Variants in STK32B observed in about 807,000 individuals in gnomAD.
The protein encoded by STK32B is serine/threonine-protein kinase 32B.
Under a neutral mutation model 52.6 loss-of-function variants are expected in STK32B, and 43 were observed. The observed-to-expected ratio is 0.82, with a 90% confidence interval of 0.64 to 1.05. The LOEUF (loss-of-function observed/expected upper bound fraction) is 1.05, where lower values mean the gene tolerates loss of function less well. Ranked by LOEUF, STK32B falls within the 50% of genes least tolerant of loss-of-function variation. The pLI, the probability that STK32B is intolerant of heterozygous loss-of-function variation, is 0.00. For synonymous variants in STK32B, 238 were observed against 204.3 expected, an observed-to-expected ratio of 1.17 and a Z score of -1.41; for missense variants, 621 against 534.6, an observed-to-expected ratio of 1.16 and a Z score of -1.59.
At chr4:5,387,023 C>A (rs964405786) in intron 4 of STK32B, among the ~76,000 whole-genome samples, 20 of 152,310 alleles carry the variant, frequency 1.3e-4, no homozygotes, top group Non-Finnish European at 2.6e-4. Flanking sequence ...AAATGAGAGA[C>A]CACGTGATCG....
At chr4:5,316,111 AAT>A (rs141929839) in intron 3 of STK32B, among the ~76,000 whole-genome samples, 10,450 of 122,442 alleles carry the variant, frequency 0.085, 1,621 homozygotes, top group African/African-American at 0.3. Context: ...TTTCTGTATA[AAT>A]ATATATATAT....
chr4:5,060,225 C>T (rs1163711831), intron 1 of STK32B, among the ~76,000 whole-genome samples: 1 of 152,160 alleles, frequency 6.6e-6, no homozygotes. Flanking sequence ...CTCAGCCTCC[C>T]TAAGTACTGG....
chr4:5,121,929 TG>T (rs2108811637), intron 1 of STK32B, among the ~76,000 whole-genome samples: 1 of 152,336 alleles, frequency 6.6e-6, no homozygotes, highest in African/African-American at 2.4e-5. Context: ...AGCCCAGGCC[TG>T]TCCATGCAGA....
chr4:5,179,590 G>A (rs1018634212), intron 3 of STK32B, among the ~76,000 whole-genome samples: 2 of 152,150 alleles, frequency 1.3e-5, no homozygotes, highest in Non-Finnish European at 2.9e-5. Flanking sequence ...ATAAATAGAT[G>A]ATAGATAAAT....
At chr4:5,241,582 AATT>A (rs911903011) in intron 3 of STK32B, among the ~76,000 whole-genome samples, 14 of 151,372 alleles carry the variant, frequency 9.2e-5, no homozygotes, top group African/African-American at 2.4e-4. Flanking sequence ...TTATTTTTTT[AATT>A]ATTATTATAC....
chr4:5,363,965 G>A (rs1044155053), intron 4 of STK32B, among the ~76,000 whole-genome samples: 1 of 151,856 alleles, frequency 6.6e-6, no homozygotes, highest in African/African-American at 2.4e-5. Flanking sequence ...AGTAGGTTAA[G>A]GTTCTGTCAA....
intron 11 of STK32B, 148 bp from the exon 12 acceptor site, chr4:5,498,797 C>T: frequency 1.6e-6 from 2 of 1,219,676 alleles, no homozygotes; most frequent in Non-Finnish European, 2.2e-6. Context: ...GTGCACAGCA[C>T]CGTGGATGCC....
chr4:5,108,035 C>G lies in STK32B; in HGVS notation c.53-31870C>G, dbSNP rs912621475. 7.9e-5 allele frequency among the ~76,000 whole-genome samples: 12 copies of G among 152,284 alleles called. No homozygotes were observed. In the East Asian group the frequency reaches 1.5e-3, roughly 20 times the overall value. ...AACATTACCAGGCCACAAGAAGTCC[C>G]TCTCATACTCTTTTCCATGTAGCCA... is the stretch of plus-strand genomic sequence containing the variant. On this transcript the variant is annotated intron_variant, in intron 1 of 11. Coordinates refer to ENST00000282908, the MANE Select transcript of STK32B (RefSeq NM_018401.3).
intron 4 of STK32B, among the ~76,000 whole-genome samples, chr4:5,345,901 A>G (rs1291714348): frequency 1.3e-5 from 2 of 152,214 alleles, no homozygotes; most frequent in Non-Finnish European, 2.9e-5. Context: ...ACACTATTCA[A>G]CATCCTCCCT....
At chr4:5,142,907 T>C (rs1040000395) in intron 2 of STK32B, among the ~76,000 whole-genome samples, 3 of 152,152 alleles carry the variant, frequency 2.0e-5, no homozygotes, top group South Asian at 2.1e-4. Context: ...TTGAAGACTT[T>C]AGGAGAAAAA....
chr4:5,343,775 G>T (rs1025806780), intron 4 of STK32B, among the ~76,000 whole-genome samples: 2 of 152,204 alleles, frequency 1.3e-5, no homozygotes, highest in Non-Finnish European at 2.9e-5. Context: ...TCATTAGAGT[G>T]AATAGGCAAC....
chr4:5,033,151 G>T, the STK32B span, among the ~76,000 whole-genome samples: 7 of 152,154 alleles, frequency 4.6e-5, no homozygotes, highest in Non-Finnish European at 8.8e-5. Context: ...GCCTATAAGG[G>T]CCCCAGGGTC....
intron 1 of STK32B, among the ~76,000 whole-genome samples, chr4:5,115,649 C>T (rs1376081710): frequency 6.6e-6 from 1 of 151,106 alleles, no homozygotes; most frequent in Non-Finnish European, 1.5e-5. Flanking sequence ...GCTCCTGACC[C>T]CAGCCCAGGG....
chr4:5,162,483 C>T (rs1271535169), intron 2 of STK32B, among the ~76,000 whole-genome samples: 1 of 152,220 alleles, frequency 6.6e-6, no homozygotes, highest in African/African-American at 2.4e-5. Flanking sequence ...TCTCCACTGA[C>T]TCAGGATCCA....
chr4:5,368,466 A>C (rs1031757954), intron 4 of STK32B, among the ~76,000 whole-genome samples: 2 of 151,738 alleles, frequency 1.3e-5, no homozygotes, highest in Admixed American at 1.3e-4. Flanking sequence ...ATTCCTAATT[A>C]TAAATGATAA....
chr4:5,310,547 C>T (rs947698179), intron 3 of STK32B, among the ~76,000 whole-genome samples: 9 of 151,758 alleles, frequency 5.9e-5, no homozygotes, highest in African/African-American at 1.9e-4. Context: ...CAAATGCTGG[C>T]AAGGATGTGG....
intron 5 of STK32B, among the ~76,000 whole-genome samples, chr4:5,405,533 A>T (rs1284948491): frequency 6.6e-6 from 1 of 152,120 alleles, no homozygotes; most frequent in East Asian, 1.9e-4. Flanking sequence ...GAACTACCTG[A>T]GAGTGGGTAA....
intron 3 of STK32B, among the ~76,000 whole-genome samples, chr4:5,308,414 T>C (rs1361282657): frequency 6.6e-6 from 1 of 152,122 alleles, no homozygotes; most frequent in Non-Finnish European, 1.5e-5. Context: ...TTTCCCCAAG[T>C]ATGTGACTTT....
At chr4:5,200,264 T>C (rs1246242752) in intron 3 of STK32B, among the ~76,000 whole-genome samples, 1 of 152,174 alleles carries the variant, frequency 6.6e-6, no homozygotes, top group Non-Finnish European at 1.5e-5. Context: ...TTTTTTTTTT[T>C]TTTTAATTGC....
Sources: allele counts gnomAD v4.1 joint callset (sites outside exome capture counted in the v4.1 genomes callset), GRCh38; gene constraint gnomAD v4.1.1; transcripts MANE v1.5; gene names NCBI Gene and HGNC (gene_info 2026-07-23, HGNC 2026-07-21).